The following SP100 variants were observed in gnomAD, a reference collection of about 807,000 sequenced individuals.
SP100 encodes the protein SP100 nuclear body protein.
In SP100, 84 loss-of-function variants were observed where a neutral mutation model predicts 130.0. The ratio of observed to expected loss-of-function variants is 0.65; its 90% confidence interval spans 0.54 to 0.77. SP100 has a LOEUF of 0.77. SP100 is among the 30% of genes least tolerant of loss of function. The probability of loss-of-function intolerance (pLI) is 0.00; values close to 1 mark genes in which losing one functional copy is unlikely to be tolerated. For missense variants in SP100, 978 were observed against 1,052.2 expected, an observed-to-expected ratio of 0.93 and a Z score of 0.97; for synonymous variants, 331 against 351.7, an observed-to-expected ratio of 0.94 and a Z score of 0.66.
chr2:230,457,240 C>T (rs959779949), intron 8 of SP100, among the ~76,000 whole-genome samples: 3 of 152,228 alleles, frequency 2.0e-5, no homozygotes, highest in African/African-American at 7.2e-5. Context: ...CTGATGCAGG[C>T]TTCTTCAGGC....
At chr2:230,516,353 G>A (rs1690914521) in intron 24 of SP100, 2 of 153,108 alleles carry the variant, frequency 1.3e-5, no homozygotes, top group East Asian at 3.8e-4. Flanking sequence ...TTCATGTAGA[G>A]AGAGAAAAGT....
intron 8 of SP100, among the ~76,000 whole-genome samples, chr2:230,453,920 G>A (rs1395506705): frequency 1.3e-5 from 2 of 151,994 alleles, no homozygotes; most frequent in Non-Finnish European, 2.9e-5. Context: ...AAACCATCTG[G>A]TCCTGAACTT....
At chr2:230,498,659 G>T in intron 19 of SP100, 124 bp downstream of exon 19, 1 of 467,062 alleles carries the variant, frequency 2.1e-6, no homozygotes, top group Non-Finnish European at 3.6e-6. Context: ...ATCAGATGTA[G>T]TCAAGTTCCA....
chr2:230,508,688 A>T (rs1266123414), intron 23 of SP100: 1 of 152,058 alleles, frequency 6.6e-6, no homozygotes, highest in Admixed American at 6.6e-5. Context: ...AATGCACAAA[A>T]CAGTGTGCCT....
At chr2:230,446,682 G>A (rs1037646432) in intron 4 of SP100, 137 bp from the exon 5 acceptor site, 11 of 586,754 alleles carry the variant, frequency 1.9e-5, no homozygotes, top group South Asian at 8.6e-5. Context: ...AGGGGATGAC[G>A]GGAGAACTTT....
rs898586202 is a variant in SP100 at position 230,543,675 on chromosome 2, A to G, written c.*729A>G. On this transcript the variant is annotated 3_prime_UTR_variant, in exon 29 of 29. Coordinates refer to ENST00000340126, the MANE Select transcript of SP100 (RefSeq NM_001080391.2). ...GATTGGAGATGACACAAACAAATGG[A>G]AAAACATCCCATGCTCCTGTGTAGA... 6.6e-6 allele frequency: 1 copy of G among 152,220 alleles called. No homozygotes were observed. Among genetic ancestry groups the G allele is most frequent in the Non-Finnish European group, 1.5e-5 (1 of 68,048 alleles). The allele number at this position is 152,220 out of a possible 1,614,324, so 9.4% of individuals were successfully genotyped here.
intron 10 of SP100, 44 bp downstream of exon 10, chr2:230,462,562 A>G (rs910790692): frequency 2.9e-5 from 40 of 1,399,546 alleles, no homozygotes; most frequent in Non-Finnish European, 4.1e-5. Flanking sequence ...TGGGAATCTG[A>G]TTTAAGAGCT....
rs973215627 is a variant in SP100, at chr2:230,544,562, A to C, written c.*1616A>C. 6.6e-6 allele frequency among the ~76,000 whole-genome samples: 1 copy of C among 152,004 alleles called. No individual in the cohort carries two copies. Among genetic ancestry groups the C allele is most frequent in the Admixed American group, 6.6e-5 (1 of 15,246 alleles). Reference sequence around the variant, plus strand: ...GAGTGCAATGGCGTGATCTTGGCTCACCACAACCTCTGCCTCCCGGGTTCA... The same window carrying C: ...GAGTGCAATGGCGTGATCTTGGCTCCCCACAACCTCTGCCTCCCGGGTTCA... On this transcript the variant is annotated 3_prime_UTR_variant, in exon 29 of 29. Transcript: ENST00000340126.
At chr2:230,506,761 T>G (rs571118868) in intron 22 of SP100, 118 of 240,602 alleles carry the variant, frequency 4.9e-4, no homozygotes, top group African/African-American at 2.7e-3. Flanking sequence ...TCTTAAATTT[T>G]CGGGGGAGGT....
At chr2:230,515,060 T>C (rs1690827556) in intron 24 of SP100, 2 of 1,608,406 alleles carry the variant, frequency 1.2e-6, no homozygotes, top group Admixed American at 1.7e-5. Context: ...AGAGGTGAAA[T>C]GTTATCATAT....
At chr2:230,441,040 ACAGACTGGGTGAAAATATT>A (rs1359081773) in intron 2 of SP100, among the ~76,000 whole-genome samples, 3 of 152,188 alleles carry the variant, frequency 2.0e-5, no homozygotes, top group African/African-American at 7.2e-5. Context: ...AAGAGAAGCT[ACAGACTGGGTGAAAATATT>A]CACCATACAT....
chr2:230,504,488 A>G (rs79875841), intron 21 of SP100, among the ~76,000 whole-genome samples, 198 bp downstream of exon 21: 297 of 152,310 alleles, frequency 1.9e-3, no homozygotes, highest in Middle Eastern at 0.01. Context: ...AAAACATACC[A>G]TAGGGAAAAT....
Position 230,470,348 on chromosome 2 carries a change from C to A in SP100, c.1429+250C>A, listed in dbSNP as rs562861899. ...TTGTTGTTGTAGAAGAAATAAATAG[C>A]AAATTTGTGGTATTCTTTTTTTTAA... On this transcript the variant is annotated intron_variant, in intron 15 of 28. Transcript: ENST00000340126. 6.5e-4 allele frequency: 745 copies of A among 1,142,382 alleles called. 1 individual carries two copies. The highest frequency in any genetic ancestry group is 7.8e-4 in the Non-Finnish European group (720 of 924,998). The allele number at this position is 1,142,382 out of a possible 1,614,324, so 70.8% of individuals were successfully genotyped here. A position where few individuals can be genotyped will look rare whatever the true frequency, so the allele number is the denominator to read the frequency against.
rs547214082 is a variant in SP100, at chr2:230,487,826, G to T, written c.1601-6590G>T. On this transcript the variant is annotated intron_variant, in intron 17 of 28. Transcript: ENST00000340126. ...TTCTTCCTATCCATAAGGTTGGAAT[G>T]TTTTTTCATTTATTCATGTCCTCTT... is the stretch of plus-strand genomic sequence containing the variant. 1.7e-3 allele frequency among the ~76,000 whole-genome samples: 256 copies of T among 152,268 alleles called. 2 individuals are homozygous for T. The highest frequency in any genetic ancestry group is 5.8e-3 in the African/African-American group (239 of 41,558).
At chr2:230,516,186 T>C (rs1690907797) in intron 24 of SP100, 1 of 465,864 alleles carries the variant, frequency 2.1e-6, no homozygotes, top group African/African-American at 2.1e-5. Flanking sequence ...CAAAACAATC[T>C]TGTCATACTT....
At chr2:230,460,190 G>C (rs1180718447) in intron 8 of SP100, among the ~76,000 whole-genome samples, 1 of 152,134 alleles carries the variant, frequency 6.6e-6, no homozygotes, top group African/African-American at 2.4e-5. Context: ...AAAACACATA[G>C]AAAAGAATGC....
intron 2 of SP100, among the ~76,000 whole-genome samples, chr2:230,420,092 T>G (rs574757719): frequency 6.6e-6 from 1 of 152,346 alleles, no homozygotes; most frequent in Non-Finnish European, 1.5e-5. Context: ...TATTCATGAT[T>G]GTTTGAACTT....
chr2:230,464,348 G>A (rs962706027), intron 11 of SP100, among the ~76,000 whole-genome samples, 198 bp downstream of exon 11: 2 of 152,106 alleles, frequency 1.3e-5, no homozygotes, highest in African/African-American at 4.8e-5. Context: ...ATAAACTCTT[G>A]TTTAACTGGA....
chr2:230,450,380 C>T lies in SP100; in HGVS notation c.820+125C>T, dbSNP rs2063916119. On this transcript the variant is annotated intron_variant, in intron 8 of 28. Coordinates refer to ENST00000340126, the MANE Select transcript of SP100 (RefSeq NM_001080391.2). ...CTTTTTAAAATTACCAGATTAAAAG[C>T]TGGATGTATTTATCATTACATGTTG... 6.1e-6 allele frequency: 4 copies of T among 654,116 alleles called. No homozygotes were observed. In the Admixed American group the frequency reaches 1.1e-4, roughly 18 times the overall value. 40.5% of individuals were successfully genotyped at this position (654,116 alleles called of 1,614,324 possible). A position where few individuals can be genotyped will look rare whatever the true frequency, so the allele number is the denominator to read the frequency against.
Sources: allele counts gnomAD v4.1 joint callset (sites outside exome capture counted in the v4.1 genomes callset), GRCh38; gene constraint gnomAD v4.1.1; transcripts MANE v1.5; gene names NCBI Gene and HGNC (gene_info 2026-07-23, HGNC 2026-07-21).